ZHX3: variants seen among roughly 807,000 people sequenced by gnomAD.
ZHX3 encodes the protein zinc fingers and homeoboxes 3.
In ZHX3, 20 loss-of-function variants were observed where a neutral mutation model predicts 64.5. That is an observed-to-expected ratio of 0.31 (90% CI 0.22 to 0.45). The LOEUF is 0.45. ZHX3 is among the 20% of genes least tolerant of loss of function. The pLI is 1.00. For missense variants in ZHX3, 1,041 were observed against 1,195.8 expected (o/e 0.87, Z 1.91); for synonymous variants, 423 against 461.6 (o/e 0.92, Z 1.07).
intron 1 of ZHX3, among the ~76,000 whole-genome samples, chr20:41,280,725 T>G (rs868455977): frequency 4.6e-5 from 7 of 152,192 alleles, no homozygotes; most frequent in Middle Eastern, 6.8e-3. Flanking sequence ...CCAAAAAAAT[T>G]TCTTAATCCT....
intron 2 of ZHX3, among the ~76,000 whole-genome samples, chr20:41,244,186 G>T (rs2041554851): frequency 6.6e-6 from 1 of 152,108 alleles, no homozygotes; most frequent in Non-Finnish European, 1.5e-5. Context: ...TCCCCTAGGG[G>T]ACACAGTTAT....
chr20:41,214,095 T>C (rs2039352439), intron 2 of ZHX3, among the ~76,000 whole-genome samples: 1 of 151,924 alleles, frequency 6.6e-6, no homozygotes, highest in Non-Finnish European at 1.5e-5. Context: ...AAAAATTAAG[T>C]CTCAAATTAG....
At chr20:41,296,185 G>A (rs1393966931) in intron 1 of ZHX3, among the ~76,000 whole-genome samples, 1 of 129,194 alleles carries the variant, frequency 7.7e-6, no homozygotes, top group Non-Finnish European at 1.6e-5. Flanking sequence ...CTCATGCCAA[G>A]TTGAGTTTTT....
chr20:41,296,822 C>T (rs920540025), intron 1 of ZHX3, among the ~76,000 whole-genome samples: 1 of 152,188 alleles, frequency 6.6e-6, no homozygotes, highest in Non-Finnish European at 1.5e-5. Flanking sequence ...CTACTTGTGG[C>T]GTATGCATCC....
chr20:41,307,129 G>T (rs558633786), intron 1 of ZHX3, among the ~76,000 whole-genome samples: 3 of 152,150 alleles, frequency 2.0e-5, no homozygotes, highest in Non-Finnish European at 4.4e-5. Flanking sequence ...AAAGGTCTAG[G>T]GCAGAAAGAG....
rs144127906 is a variant in ZHX3, at chr20:41,193,241, T to C, written c.2861-8040A>G. 4.9e-3 allele frequency among the ~76,000 whole-genome samples: 752 copies of C among 152,358 alleles called. 3 individuals carry two copies. The highest frequency in any genetic ancestry group is 8.0e-3 in the Non-Finnish European group (545 of 68,036). ...TTTGATAGATTTTACATTGACTCTG[T>C]AGTTTGCTTTGGGTCACGTCTACAT... On this transcript the variant is annotated intron_variant, in intron 3 of 3. Transcript: ENST00000683867.
At chr20:41,196,439 T>TAA (rs2037579235) in intron 3 of ZHX3, among the ~76,000 whole-genome samples, 8 of 68,616 alleles carry the variant, frequency 1.2e-4, no homozygotes, top group African/African-American at 4.9e-4. Flanking sequence ...TATAAATATA[T>TAA]ATATTATATA....
chr20:41,294,228 T>G (rs2044388490), intron 1 of ZHX3, among the ~76,000 whole-genome samples: 1 of 152,236 alleles, frequency 6.6e-6, no homozygotes, highest in South Asian at 2.1e-4. Context: ...AGAATTATGC[T>G]ACATTCAATT....
chr20:41,187,323 C>CAA (rs57588943), intron 3 of ZHX3, among the ~76,000 whole-genome samples: 2 of 77,438 alleles, frequency 2.6e-5, no homozygotes, highest in Non-Finnish European at 4.9e-5. Context: ...GAACCTGTCT[C>CAA]AAAAAAAAAA....
rs763253233 is a variant in ZHX3, at chr20:41,204,760, C to T, written c.157G>A (p.Ala53Thr). 4 of 1,614,104 alleles carry T rather than the reference C, an allele frequency of 2.5e-6. No homozygotes were observed. The Middle Eastern group carries it at 4.9e-4, about 200-fold the overall frequency. Residue 53 changes from alanine to threonine, a missense_variant, in exon 3 of 4, where the codon GCA becomes ACA. Physicochemically the swap from Ala to Thr is moderately conservative, Grantham distance 58. Coordinates refer to ENST00000683867, the MANE Select transcript of ZHX3 (RefSeq NM_001384317.1). This position sits in a 1 kb window ranked among gnomAD's most constrained non-coding sequence, Gnocchi z 6.6. ...PEASAASSEA[A>T]QNPSSTDGST... is the part of the protein sequence containing the mutation. ...CCATCAGTACTGCTGGGGTTCTGTG[C>T]TGCCTCACTGCTGGCAGCAGATGCT...
chr20:41,300,532 C>A (rs1303573724), intron 1 of ZHX3, among the ~76,000 whole-genome samples: 1 of 152,180 alleles, frequency 6.6e-6, no homozygotes, highest in Non-Finnish European at 1.5e-5. Context: ...ATCCCTCAAG[C>A]ACTACTAGAC....
Position 41,203,993 on chromosome 20 carries a change from C to G in ZHX3, c.924G>C (p.Thr308=). 4 of 1,614,186 alleles carry G rather than the reference C, an allele frequency of 2.5e-6. No homozygotes were observed. Among genetic ancestry groups the G allele is most frequent in the Non-Finnish European group, 3.4e-6 (4 of 1,180,032 alleles). ...TGTTAGAGTCCATGGCTGCATTGTA[C>G]GTTGGAATGCTGCTCAGGGGGATCA... ...KVMIPLSSIP[T]YNAAMDSNSF... Residue 308 remains threonine, a synonymous_variant, in exon 3 of 4, where the codon ACG becomes ACC. Transcript: ENST00000683867. The surrounding 1 kb of genome is among the most constrained non-coding windows in gnomAD (Gnocchi z 7.1).
At chr20:41,236,285 T>C (rs1298048391) in intron 2 of ZHX3, among the ~76,000 whole-genome samples, 3 of 152,304 alleles carry the variant, frequency 2.0e-5, no homozygotes, top group East Asian at 1.9e-4. Context: ...AAAGGTCATA[T>C]GGAACCAAAA....
At chr20:41,282,510 C>G (rs2043739171) in intron 1 of ZHX3, among the ~76,000 whole-genome samples, 1 of 151,988 alleles carries the variant, frequency 6.6e-6, no homozygotes, top group Non-Finnish European at 1.5e-5. Context: ...AGGCATGCCC[C>G]ATTACACCTG....
intron 1 of ZHX3, among the ~76,000 whole-genome samples, chr20:41,275,752 T>G (rs2146656439): frequency 6.6e-6 from 1 of 152,220 alleles, no homozygotes; most frequent in South Asian, 2.1e-4. Context: ...CTGATGAGGG[T>G]CCTATCTTTA....
chr20:41,213,090 G>A (rs1225412544), intron 2 of ZHX3, among the ~76,000 whole-genome samples: 1 of 152,210 alleles, frequency 6.6e-6, no homozygotes, highest in Non-Finnish European at 1.5e-5. Flanking sequence ...CTAAGTGAAA[G>A]AAGTCAGACA....
In ZHX3 at chr20:41,182,111, G is replaced by A. The variant is rs2036271557; in HGVS notation, c.*3080C>T. 2 of 152,154 alleles carry A rather than the reference G, an allele frequency of 1.3e-5. No individual in the cohort carries two copies. The highest frequency in any genetic ancestry group is 4.1e-4 in the South Asian group (2 of 4,830). 9.4% of individuals were successfully genotyped at this position (152,154 alleles called of 1,614,324 possible). ...AGTAATCAAAATATACAAAGCATAT[G>A]TATCAAATTTAAATTTCCTTTATCA... On this transcript the variant is annotated 3_prime_UTR_variant, in exon 4 of 4. Coordinates refer to ENST00000683867, the MANE Select transcript of ZHX3 (RefSeq NM_001384317.1). The surrounding 1 kb of genome is among the most constrained non-coding windows in gnomAD (Gnocchi z 6.1).
intron 3 of ZHX3, among the ~76,000 whole-genome samples, chr20:41,192,888 C>T (rs760299831): frequency 2.0e-5 from 3 of 152,186 alleles, no homozygotes; most frequent in Non-Finnish European, 2.9e-5. Context: ...GGAGCTCTCC[C>T]GTGGCTAGAA....
intron 1 of ZHX3, among the ~76,000 whole-genome samples, chr20:41,304,602 T>C (rs989696222): frequency 2.0e-5 from 3 of 152,232 alleles, no homozygotes; most frequent in Non-Finnish European, 4.4e-5. Context: ...GATATCTGTA[T>C]GAATACACAG....
Sources: allele counts gnomAD v4.1 joint callset (sites outside exome capture counted in the v4.1 genomes callset), GRCh38; gene constraint gnomAD v4.1.1; non-coding constraint Gnocchi (gnomAD v3.1); transcripts MANE v1.5; gene names NCBI Gene and HGNC (gene_info 2026-07-23, HGNC 2026-07-21).